PCDHA3: variants seen among roughly 807,000 people sequenced by gnomAD.
PCDHA3 encodes protocadherin alpha 3.
In PCDHA3, 41 loss-of-function variants were observed where a neutral mutation model predicts 62.2. That is an observed-to-expected ratio of 0.66 (90% CI 0.51 to 0.86). The LOEUF (loss-of-function observed/expected upper bound fraction) is 0.86, where lower values mean the gene tolerates loss of function less well. Ranked by LOEUF, PCDHA3 falls within the 40% of genes least tolerant of loss-of-function variation. The probability of loss-of-function intolerance (pLI) is 0.00; values close to 1 mark genes in which losing one functional copy is unlikely to be tolerated. For missense variants in PCDHA3, 1,304 were observed against 1,241.2 expected (o/e 1.05, Z -0.76); for synonymous variants, 640 against 555.4 (o/e 1.15, Z -2.14).
chr5:140,814,193 T>A (rs1765456616), intron 1 of PCDHA3: 1 of 152,734 alleles, frequency 6.5e-6, no homozygotes, highest in Non-Finnish European at 1.5e-5. Context: ...TTAATTTTTT[T>A]ATTTTTTTCA....
At chr5:140,835,189 T>C in intron 1 of PCDHA3, 2 of 1,537,800 alleles carry the variant, frequency 1.3e-6, no homozygotes, top group Non-Finnish European at 8.8e-7. Flanking sequence ...GCCTCAGATT[T>C]AGACGAAGGC....
intron 1 of PCDHA3, chr5:140,822,078 C>T (rs1554128433): frequency 6.2e-7 from 1 of 1,614,102 alleles, no homozygotes; most frequent in Admixed American, 1.7e-5. Flanking sequence ...GGGCGGAGTG[C>T]AGCATCCACC....
chr5:140,805,737 C>A, intron 1 of PCDHA3: 1 of 338,256 alleles, frequency 3.0e-6, no homozygotes, highest in Non-Finnish European at 4.2e-6. Context: ...AAGTTTTCAA[C>A]ATTGAACTTG....
chr5:140,924,900 A>T (rs622703), intron 1 of PCDHA3, among the ~76,000 whole-genome samples: 5 of 63,248 alleles, frequency 7.9e-5, no homozygotes, highest in Admixed American at 1.7e-4. Flanking sequence ...GTCTCAAAAA[A>T]AAAAATAAAA....
intron 1 of PCDHA3, chr5:140,817,258 CCT>C (rs1458699211): frequency 3.3e-5 from 5 of 152,336 alleles, no homozygotes; most frequent in East Asian, 1.9e-4. Flanking sequence ...GGAATTTCCC[CCT>C]GTTTGAATGG....
intron 1 of PCDHA3, chr5:140,822,221 C>A (rs2150114637): frequency 6.2e-7 from 1 of 1,614,218 alleles, no homozygotes; most frequent in Non-Finnish European, 8.5e-7. Context: ...ATGCCAGATT[C>A]GCGGTTTCCG....
chr5:140,852,779 T>C, intron 1 of PCDHA3: 1 of 979,786 alleles, frequency 1.0e-6, no homozygotes, highest in South Asian at 4.8e-5. Flanking sequence ...TTGATGTGAA[T>C]AGAGGGATGC....
chr5:141,011,429 A>G lies in PCDHA3; in HGVS notation c.*1492A>G, dbSNP rs1554263477. ...TGTGTATGTGAATGTTAATGCAACT[A>G]TTACCTAGAGTGAACTTTAAGCTTT... On this transcript the variant is annotated 3_prime_UTR_variant, in exon 4 of 4. Coordinates refer to ENST00000522353, the MANE Select transcript of PCDHA3 (RefSeq NM_018906.3). 1.3e-5 allele frequency: 2 copies of G among 153,758 alleles called. No homozygotes were observed. Among genetic ancestry groups the G allele is most frequent in the Non-Finnish European group, 2.9e-5 (2 of 68,036 alleles). 9.5% of individuals were successfully genotyped at this position (153,758 alleles called of 1,614,324 possible).
chr5:140,871,427 T>C (rs782140666), intron 1 of PCDHA3: 1 of 1,613,326 alleles, frequency 6.2e-7, no homozygotes, highest in South Asian at 1.1e-5. Context: ...AGCCCCAGTC[T>C]TCCTCTAGGT....
chr5:140,823,471 G>T (rs1554129365), intron 1 of PCDHA3: 2 of 1,613,352 alleles, frequency 1.2e-6, no homozygotes, highest in African/African-American at 2.7e-5. Context: ...GGCGCTGCTG[G>T]TGCCTCGAGT....
intron 1 of PCDHA3, chr5:140,883,426 C>T: frequency 6.2e-7 from 1 of 1,614,196 alleles, no homozygotes; most frequent in Non-Finnish European, 8.5e-7. Context: ...GACAGGTCAC[C>T]TGCACCTTGA....
chr5:140,843,669 T>C (rs1554140329), intron 1 of PCDHA3: 2 of 1,592,688 alleles, frequency 1.3e-6, no homozygotes, highest in Non-Finnish European at 1.7e-6. Flanking sequence ...CTGGGATCAG[T>C]TGATGTAGGC....
intron 1 of PCDHA3, chr5:140,834,289 T>G: frequency 8.4e-7 from 1 of 1,186,076 alleles, no homozygotes; most frequent in Non-Finnish European, 1.2e-6. Flanking sequence ...TGCACAACAA[T>G]GGCCACACAT....
At chr5:140,857,708 G>C (rs1554150547) in intron 1 of PCDHA3, 8 of 1,597,392 alleles carry the variant, frequency 5.0e-6, no homozygotes, top group Non-Finnish European at 6.0e-6. Flanking sequence ...GCAGGTGTTC[G>C]TGCTGGACGA....
At chr5:140,977,599 AC>A (rs782213571) in intron 1 of PCDHA3, among the ~76,000 whole-genome samples, 1 of 152,150 alleles carries the variant, frequency 6.6e-6, no homozygotes, top group Non-Finnish European at 1.5e-5. Context: ...GCATGTGAGG[AC>A]CATTGAGGTA....
At chr5:141,002,682 G>A (rs536105955) in intron 3 of PCDHA3, among the ~76,000 whole-genome samples, 51 of 152,256 alleles carry the variant, frequency 3.3e-4, no homozygotes, top group African/African-American at 1.0e-3. Flanking sequence ...CCTATACGAC[G>A]TGCAGATTTG....
chr5:140,871,674 A>G (rs1582053798), intron 1 of PCDHA3: 3 of 1,137,860 alleles, frequency 2.6e-6, no homozygotes, highest in Non-Finnish European at 3.6e-6. Context: ...TCTTTTAATC[A>G]TATGAATAAT....
At chr5:140,877,862 A>T (rs1554170193) in intron 1 of PCDHA3, 1 of 1,505,068 alleles carries the variant, frequency 6.6e-7, no homozygotes, top group East Asian at 2.4e-5. Flanking sequence ...TATTATTTAG[A>T]TATATTTGTT....
chr5:140,996,678 G>T (rs922990686), intron 3 of PCDHA3, among the ~76,000 whole-genome samples: 28 of 152,162 alleles, frequency 1.8e-4, no homozygotes, highest in African/African-American at 6.7e-4. Context: ...AACCATGTTG[G>T]GCTAGTATTC....
Sources: gnomAD v4.1 joint callset for allele counts (sites outside exome capture counted in the v4.1 genomes callset) on GRCh38, gnomAD v4.1.1 for gene constraint, MANE v1.5 for transcripts, NCBI Gene and HGNC (gene_info 2026-07-23, HGNC 2026-07-21) for gene names.